SLC30A9: variants seen among roughly 807,000 people sequenced by gnomAD.
SLC30A9 encodes solute carrier family 30 member 9.
Under a neutral mutation model 87.5 loss-of-function variants are expected in SLC30A9, and 58 were observed. That is an observed-to-expected ratio of 0.66 (90% confidence interval 0.54 to 0.82). The LOEUF (loss-of-function observed/expected upper bound fraction) is 0.82, where lower values mean the gene tolerates loss of function less well. Ranked by LOEUF, SLC30A9 falls within the 40% of genes least tolerant of loss-of-function variation. The pLI is 0.00. For missense variants in SLC30A9, 557 were observed against 679.1 expected (o/e 0.82, Z 2.00); for synonymous variants, 234 against 233.0 (o/e 1.00, Z -0.04).
intron 1 of SLC30A9, among the ~76,000 whole-genome samples, chr4:41,996,839 G>A (rs1408364849): frequency 2.6e-5 from 4 of 152,104 alleles, no homozygotes; most frequent in Non-Finnish European, 5.9e-5. Context: ...TTCAAGACCA[G>A]TCTGGCCCAC....
At chr4:42,054,294 G>T (rs1021855367) in intron 9 of SLC30A9, among the ~76,000 whole-genome samples, 13 of 152,220 alleles carry the variant, frequency 8.5e-5, no homozygotes, top group Middle Eastern at 3.4e-3. Flanking sequence ...GGAGGCAGAG[G>T]TTGCAGTGAG....
At chr4:42,049,661 T>TA (rs1413563973) in intron 9 of SLC30A9, among the ~76,000 whole-genome samples, 182 bp downstream of exon 9, 1 of 152,208 alleles carries the variant, frequency 6.6e-6, no homozygotes, top group Non-Finnish European at 1.5e-5. Context: ...AGCAGATTGT[T>TA]ATGCTTTAAG....
intron 6 of SLC30A9, among the ~76,000 whole-genome samples, chr4:42,033,818 A>G (rs957497096): frequency 2.2e-4 from 34 of 152,044 alleles, no homozygotes; most frequent in Non-Finnish European, 3.7e-4. Context: ...CTTGTGATCC[A>G]CCCGCCTTGG....
chr4:42,062,192 C>CA lies in SLC30A9; in HGVS notation c.897-779dup, dbSNP rs1263400379. Among the ~76,000 whole-genome samples the CA allele has an allele frequency of 8.7e-3, 769 of 88,356 alleles. 7 individuals carry two copies. The highest frequency in any genetic ancestry group is 0.024 in the African/African-American group (574 of 23,676). The allele number at this position is 88,356 out of a possible 152,430, so 58.0% of individuals were successfully genotyped here. The stretch of plus-strand genomic sequence containing the variant: ...CTGAGCAACGAGCAAAACTCCGTCT[C>CA]AAAAAAAAAAAAAAAGAATTCTTGT... On this transcript the variant is annotated intron_variant, in intron 10 of 17. Transcript: ENST00000264451.
chr4:42,049,116 C>T lies in SLC30A9; in HGVS notation c.738-261C>T, dbSNP rs185328962. ...AGCTGGGACTAAAGGCGTGCACTACCACACCAGACTAAGTTTTTAAAAAAT... is the reference window on the plus strand; with the variant it reads ...AGCTGGGACTAAAGGCGTGCACTACTACACCAGACTAAGTTTTTAAAAAAT... On this transcript the variant is annotated intron_variant, in intron 8 of 17. Transcript: ENST00000264451. Among the ~76,000 whole-genome samples, 485 of 152,204 alleles carry T rather than the reference C, an allele frequency of 3.2e-3. 1 individual carries two copies. The highest frequency in any genetic ancestry group is 0.011 in the African/African-American group (464 of 41,530).
At chr4:42,046,626 T>G (rs576951501) in intron 8 of SLC30A9, among the ~76,000 whole-genome samples, 6 of 152,180 alleles carry the variant, frequency 3.9e-5, no homozygotes, top group African/African-American at 1.4e-4. Context: ...TGGATAGGAA[T>G]AATCAATATC....
chr4:42,008,369 A>G (rs985955103), intron 2 of SLC30A9, among the ~76,000 whole-genome samples: 1 of 152,302 alleles, frequency 6.6e-6, no homozygotes, highest in Non-Finnish European at 1.5e-5. Flanking sequence ...GATGTTTTCC[A>G]TATTTTATTT....
chr4:42,051,963 TATA>T (rs1717399755), intron 9 of SLC30A9, among the ~76,000 whole-genome samples: 1 of 150,562 alleles, frequency 6.6e-6, no homozygotes, highest in Non-Finnish European at 1.5e-5. Flanking sequence ...CTCCTTAAAA[TATA>T]ATCAGATTTT....
intron 1 of SLC30A9, among the ~76,000 whole-genome samples, chr4:41,996,395 A>G (rs1560532605): frequency 1.3e-5 from 2 of 151,906 alleles, no homozygotes; most frequent in South Asian, 2.1e-4. Flanking sequence ...ACCTGGCCGA[A>G]ATTTGAGTAT....
chr4:42,082,705 T>C (rs981805965), intron 17 of SLC30A9, among the ~76,000 whole-genome samples: 1 of 151,914 alleles, frequency 6.6e-6, no homozygotes, highest in African/African-American at 2.4e-5. Context: ...AAAATTAGCT[T>C]GGTATGGTGG....
intron 3 of SLC30A9, among the ~76,000 whole-genome samples, chr4:42,019,522 T>A (rs1715854797): frequency 6.6e-6 from 1 of 152,226 alleles, no homozygotes. Flanking sequence ...AATTTTTAAC[T>A]GATGAAATTA....
chr4:42,050,645 A>G (rs985074098), intron 9 of SLC30A9, among the ~76,000 whole-genome samples: 4 of 152,242 alleles, frequency 2.6e-5, no homozygotes, highest in African/African-American at 7.2e-5. Context: ...GCAAAATACT[A>G]TGTTCAGAAC....
intron 6 of SLC30A9, among the ~76,000 whole-genome samples, chr4:42,026,782 T>C (rs947846354): frequency 2.0e-5 from 3 of 151,828 alleles, no homozygotes; most frequent in African/African-American, 7.3e-5. Context: ...TTTTCCAACG[T>C]GAACTAACTG....
rs576900130 is a variant in SLC30A9, at chr4:42,083,604, T to C, written c.1663-2478T>C. 5.3e-4 allele frequency among the ~76,000 whole-genome samples: 80 copies of C among 152,312 alleles called. No homozygotes were observed. In the East Asian group the frequency reaches 0.015, roughly 29 times the overall value. Reference sequence around the variant, plus strand: ...AAAAAGCAGAGCAAATTTTTAGGCTTTTTTTTAAGATAAAGCTTTTATTAG... The same window carrying C: ...AAAAAGCAGAGCAAATTTTTAGGCTCTTTTTTAAGATAAAGCTTTTATTAG... On this transcript the variant is annotated intron_variant, in intron 17 of 17. Transcript: ENST00000264451.
intron 17 of SLC30A9, among the ~76,000 whole-genome samples, chr4:42,084,595 C>T (rs1718854690): frequency 6.6e-6 from 1 of 152,186 alleles, no homozygotes; most frequent in African/African-American, 2.4e-5. Flanking sequence ...CCTCAGCCTC[C>T]CGAGTAGCTA....
rs1210107855 is a variant in SLC30A9, at chr4:42,090,022, G to GT, written c.*3897dup. The GT allele has an allele frequency of 1.3e-5, 2 of 152,238 alleles. No individual in the cohort carries two copies. The highest frequency in any genetic ancestry group is 3.9e-4 in the East Asian group (2 of 5,190). The allele number at this position is 152,238 out of a possible 1,614,324, so 9.4% of individuals were successfully genotyped here. A position where few individuals can be genotyped will look rare whatever the true frequency, so the allele number is the denominator to read the frequency against. On this transcript the variant is annotated 3_prime_UTR_variant, in exon 18 of 18. Transcript: ENST00000264451. ...AAAGAGTGCCTAAGTTTTAAGTCTC[G>GT]TAACTTTTTGAGGAAGAATGCTGGG...
chr4:42,075,027 ATATATATAT>A (rs1466174289), intron 15 of SLC30A9, among the ~76,000 whole-genome samples: 2 of 2,680 alleles, frequency 7.5e-4, no homozygotes, highest in Non-Finnish European at 1.5e-3. Flanking sequence ...ATGAATATAT[ATATATATAT>A]ATATATATAT....
At chr4:42,081,597 A>G (rs1179252532) in intron 17 of SLC30A9, among the ~76,000 whole-genome samples, 1 of 152,244 alleles carries the variant, frequency 6.6e-6, no homozygotes, top group East Asian at 1.9e-4. Flanking sequence ...TTTTTGTGCA[A>G]GGTAGCACAA....
chr4:42,081,940 G>A (rs1047992068), intron 17 of SLC30A9, among the ~76,000 whole-genome samples: 4 of 152,236 alleles, frequency 2.6e-5, no homozygotes, highest in South Asian at 2.1e-4. Context: ...ATGGCCGGGC[G>A]CGTGCGGTTG....
Sources: allele counts gnomAD v4.1 joint callset (sites outside exome capture counted in the v4.1 genomes callset), GRCh38; gene constraint gnomAD v4.1.1; transcripts MANE v1.5; gene names NCBI Gene and HGNC (gene_info 2026-07-23, HGNC 2026-07-21).